The following CSMD1 variants were observed in gnomAD, a reference collection of about 807,000 sequenced individuals.
CSMD1 encodes CUB and Sushi multiple domains 1.
Under a neutral mutation model 417.5 loss-of-function variants are expected in CSMD1, and 213 were observed. The observed-to-expected ratio is 0.51, with a 90% CI of 0.46 to 0.57. The LOEUF (loss-of-function observed/expected upper bound fraction) is 0.57, where lower values mean the gene tolerates loss of function less well. CSMD1 is among the 20% of genes least tolerant of loss of function. The pLI is 0.00. For missense variants in CSMD1, 6,923 were observed against 4,529.7 expected (o/e 1.53, Z -15.17); for synonymous variants, 2,862 against 1,736.8 (o/e 1.65, Z -16.11).
chr8:4,393,687 AAC>A (rs1028241822), intron 3 of CSMD1, among the ~76,000 whole-genome samples: 73 of 152,344 alleles, frequency 4.8e-4, no homozygotes, highest in African/African-American at 1.7e-3. Flanking sequence ...TACTATAATT[AAC>A]CAAGAACCTG....
intron 5 of CSMD1, among the ~76,000 whole-genome samples, chr8:3,857,298 A>T (rs1232574256): frequency 1.3e-5 from 2 of 152,138 alleles, no homozygotes; most frequent in African/African-American, 4.8e-5. Context: ...TAGCATTAGG[A>T]GGGTTTTTCC....
At chr8:4,272,785 G>T (rs890664922) in intron 3 of CSMD1, among the ~76,000 whole-genome samples, 3 of 152,132 alleles carry the variant, frequency 2.0e-5, no homozygotes, top group African/African-American at 7.2e-5. Context: ...GTTAGTATGA[G>T]ATGACCTTTA....
At chr8:4,622,379 T>A (rs1300457373) in intron 2 of CSMD1, among the ~76,000 whole-genome samples, 1 of 152,086 alleles carries the variant, frequency 6.6e-6, no homozygotes, top group Non-Finnish European at 1.5e-5. Context: ...GAGTGCCAGC[T>A]AATGTCTGTG....
At chr8:4,094,146 G>A (rs11776345) in intron 3 of CSMD1, among the ~76,000 whole-genome samples, 54,345 of 151,978 alleles carry the variant, frequency 0.36, 10,506 homozygotes, top group Non-Finnish European at 0.43. Context: ...GGGGGATGAG[G>A]GGACACAGCC....
chr8:4,158,770 C>T (rs987349606), intron 3 of CSMD1, among the ~76,000 whole-genome samples: 1 of 152,166 alleles, frequency 6.6e-6, no homozygotes, highest in Non-Finnish European at 1.5e-5. Flanking sequence ...GGTGTGAACA[C>T]TGAAGTGTTG....
At chr8:4,057,865 C>T (rs1321423966) in intron 3 of CSMD1, among the ~76,000 whole-genome samples, 2 of 152,142 alleles carry the variant, frequency 1.3e-5, no homozygotes, top group African/African-American at 4.8e-5. Flanking sequence ...ATTATTTCTG[C>T]AGGCTGTGTT....
intron 3 of CSMD1, among the ~76,000 whole-genome samples, chr8:4,099,367 G>T (rs998330997): frequency 1.3e-5 from 2 of 151,966 alleles, no homozygotes; most frequent in African/African-American, 4.8e-5. Context: ...ATAAAATCTG[G>T]TAATCACGCC....
At chr8:4,783,082 A>G (rs533799082) in intron 1 of CSMD1, among the ~76,000 whole-genome samples, 1 of 152,360 alleles carries the variant, frequency 6.6e-6, no homozygotes, top group Admixed American at 6.5e-5. Context: ...AAATGATTGT[A>G]AAATCAATTC....
At chr8:4,334,055 C>A (rs886522433) in intron 3 of CSMD1, among the ~76,000 whole-genome samples, 5 of 151,836 alleles carry the variant, frequency 3.3e-5, no homozygotes, top group Admixed American at 3.3e-4. Flanking sequence ...AACATCGTTT[C>A]ATTAATTATG....
At chr8:4,089,537 T>A (rs1800604555) in intron 3 of CSMD1, among the ~76,000 whole-genome samples, 1 of 152,176 alleles carries the variant, frequency 6.6e-6, no homozygotes, top group Non-Finnish European at 1.5e-5. Context: ...GCATTCTGAT[T>A]TAACACAATT....
At chr8:3,592,622 G>C (rs561128444) in intron 8 of CSMD1, among the ~76,000 whole-genome samples, 38 of 152,246 alleles carry the variant, frequency 2.5e-4, no homozygotes, top group African/African-American at 8.7e-4. Flanking sequence ...GTGAGCAGGA[G>C]GAAGGGTGAA....
intron 50 of CSMD1, among the ~76,000 whole-genome samples, chr8:3,035,472 G>C (rs1292101940): frequency 2.0e-5 from 3 of 152,092 alleles, no homozygotes; most frequent in Non-Finnish European, 2.9e-5. Flanking sequence ...TTGTGTTTCT[G>C]ACTTGTCACT....
At chr8:4,554,533 G>C (rs779306602) in intron 2 of CSMD1, among the ~76,000 whole-genome samples, 2 of 152,150 alleles carry the variant, frequency 1.3e-5, no homozygotes, top group Non-Finnish European at 2.9e-5. Context: ...GAAATTACTG[G>C]AGTGATAATA....
intron 3 of CSMD1, among the ~76,000 whole-genome samples, chr8:4,168,824 C>T (rs530884027): frequency 3.9e-5 from 6 of 152,160 alleles, no homozygotes; most frequent in South Asian, 4.2e-4. Flanking sequence ...AACTTCATTC[C>T]GGCTCTCTGT....
chr8:3,788,493 G>C (rs368971903), intron 5 of CSMD1, among the ~76,000 whole-genome samples: 3 of 152,086 alleles, frequency 2.0e-5, no homozygotes, highest in East Asian at 1.9e-4. Flanking sequence ...TCCTACTTAA[G>C]AACTTCAGGA....
intron 7 of CSMD1, among the ~76,000 whole-genome samples, chr8:3,648,363 A>C (rs530829038): frequency 6.6e-6 from 1 of 152,332 alleles, no homozygotes; most frequent in Admixed American, 6.5e-5. Flanking sequence ...CATGACAGAG[A>C]AATTTTCAAA....
At chr8:3,181,618 T>C (rs547767970) in intron 36 of CSMD1, among the ~76,000 whole-genome samples, 2 of 152,166 alleles carry the variant, frequency 1.3e-5, no homozygotes, top group Non-Finnish European at 1.5e-5. Flanking sequence ...TGGATAGTGA[T>C]CTGACATATC....
At chr8:4,405,542 A>G (rs1804946919) in intron 3 of CSMD1, among the ~76,000 whole-genome samples, 1 of 152,222 alleles carries the variant, frequency 6.6e-6, no homozygotes, top group Non-Finnish European at 1.5e-5. Flanking sequence ...AGTAAGTGCC[A>G]TGAAACCATC....
Position 4,831,615 on chromosome 8 carries a change from G to A in CSMD1, c.85+162717C>T, listed in dbSNP as rs150429977. Among the ~76,000 whole-genome samples, 826 of 152,112 alleles carry A rather than the reference G, an allele frequency of 5.4e-3. 5 individuals carry two copies. The highest frequency in any genetic ancestry group is 0.018 in the African/African-American group (754 of 41,492). On this transcript the variant is annotated intron_variant, in intron 1 of 69. Coordinates refer to ENST00000635120, the MANE Select transcript of CSMD1 (RefSeq NM_033225.6). The stretch of plus-strand genomic sequence containing the variant: ...TTTGTTGACTCCACAGCCACCTGGT[G>A]ACACTCTTTCTTTCGCTTTGGAAAG...
Sources: allele counts gnomAD v4.1 joint callset (sites outside exome capture counted in the v4.1 genomes callset), GRCh38; gene constraint gnomAD v4.1.1; transcripts MANE v1.5; gene names NCBI Gene and HGNC (gene_info 2026-07-23, HGNC 2026-07-21).